The following GRIK2 variants were observed in gnomAD, a reference collection of about 807,000 sequenced individuals.
GRIK2 encodes glutamate receptor ionotropic, kainate 2.
A neutral mutation model predicts 100.3 loss-of-function variants in GRIK2; 32 were observed. The ratio of observed to expected loss-of-function variants is 0.32; its 90% CI spans 0.24 to 0.43. The LOEUF is 0.43. Ranked by LOEUF, GRIK2 falls within the 20% of genes least tolerant of loss-of-function variation. GRIK2 has a pLI of 1.00. For synonymous variants in GRIK2, 417 were observed against 389.4 expected, an observed-to-expected ratio of 1.07 and a Z score of -0.83; for missense variants, 843 against 1,114.9, an observed-to-expected ratio of 0.76 and a Z score of 3.47.
At chr6:101,874,425 G>C (rs1468585591) in intron 11 of GRIK2, among the ~76,000 whole-genome samples, 1 of 151,860 alleles carries the variant, frequency 6.6e-6, no homozygotes, top group Non-Finnish European at 1.5e-5. Context: ...GGTATTATTT[G>C]TGCGGGCTGC....
At chr6:101,740,518 G>A (rs1272168722) in intron 7 of GRIK2, among the ~76,000 whole-genome samples, 1 of 152,150 alleles carries the variant, frequency 6.6e-6, no homozygotes, top group African/African-American at 2.4e-5. Context: ...TTTAAGCTAT[G>A]TTCAGAACGT....
intron 7 of GRIK2, among the ~76,000 whole-genome samples, chr6:101,690,144 C>T (rs1005290486): frequency 5.3e-5 from 8 of 152,108 alleles, no homozygotes; most frequent in Non-Finnish European, 8.8e-5. Context: ...AGAAATCCTT[C>T]CCAGTGGTTC....
chr6:101,814,489 T>G (rs948015531), intron 9 of GRIK2, among the ~76,000 whole-genome samples: 2 of 152,074 alleles, frequency 1.3e-5, no homozygotes, highest in African/African-American at 4.8e-5. Flanking sequence ...GTTAAAAGAC[T>G]TGACAATTAT....
At chr6:101,398,860 A>G (rs986320211) in intron 1 of GRIK2, 125 bp from the exon 2 acceptor site, 4 of 419,148 alleles carry the variant, frequency 9.5e-6, no homozygotes, top group African/African-American at 8.1e-5. Flanking sequence ...GTGCAGTAGA[A>G]TAGGGCCTGG....
intron 7 of GRIK2, among the ~76,000 whole-genome samples, chr6:101,732,089 T>C (rs2128371788): frequency 6.6e-6 from 1 of 152,112 alleles, no homozygotes; most frequent in South Asian, 2.1e-4. Context: ...CAGTTCTTTG[T>C]GTTTATATGC....
chr6:101,720,823 C>A (rs1452184791), intron 7 of GRIK2, among the ~76,000 whole-genome samples: 1 of 151,920 alleles, frequency 6.6e-6, no homozygotes, highest in Non-Finnish European at 1.5e-5. Flanking sequence ...TATTTTATTG[C>A]TGGATGAAAT....
chr6:101,469,142 A>G (rs747526138), intron 2 of GRIK2, among the ~76,000 whole-genome samples: 12 of 152,202 alleles, frequency 7.9e-5, no homozygotes, highest in Non-Finnish European at 1.5e-4. Flanking sequence ...GTGTGGTTAC[A>G]AACCCACAAT....
At chr6:101,827,560 C>A (rs116455115) in intron 10 of GRIK2, among the ~76,000 whole-genome samples, 2,237 of 151,246 alleles carry the variant, frequency 0.015, 60 homozygotes, top group African/African-American at 0.051. Context: ...CCCATAGACT[C>A]AAAATAAAAG....
At chr6:101,913,800 C>T (rs1257457607) in intron 12 of GRIK2, among the ~76,000 whole-genome samples, 1 of 151,348 alleles carries the variant, frequency 6.6e-6, no homozygotes, top group Admixed American at 6.6e-5. Context: ...ATATGAGTGT[C>T]ATGTATGAGA....
rs199682155 is a variant in GRIK2, at chr6:101,878,087, A to G, written c.1525-11553A>G. On this transcript the variant is annotated intron_variant, in intron 11 of 16. Transcript: ENST00000369134. The stretch of plus-strand genomic sequence containing the variant: ...CGTGCCAGGTATATTATATTATATT[A>G]TATTATATTATATTATATTATATTA... 4.8e-4 allele frequency among the ~76,000 whole-genome samples: 60 copies of G among 123,984 alleles called. No individual in the cohort carries two copies. In the East Asian group the frequency reaches 0.012, roughly 26 times the overall value. 81.3% of individuals were successfully genotyped at this position (123,984 alleles called of 152,430 possible).
At chr6:102,014,074 G>A (rs1430143671) in intron 14 of GRIK2, among the ~76,000 whole-genome samples, 1 of 82,714 alleles carries the variant, frequency 1.2e-5, no homozygotes, top group Non-Finnish European at 3.1e-5. Context: ...TTGTTTTTTG[G>A]TTGACAGGCT....
intron 10 of GRIK2, among the ~76,000 whole-genome samples, chr6:101,821,744 A>T (rs1781963348): frequency 6.6e-6 from 1 of 152,116 alleles, no homozygotes; most frequent in Non-Finnish European, 1.5e-5. Flanking sequence ...TACCTTATTT[A>T]TGTAAGCTTA....
At chr6:101,585,946 G>T (rs1778335785) in intron 2 of GRIK2, among the ~76,000 whole-genome samples, 1 of 151,898 alleles carries the variant, frequency 6.6e-6, no homozygotes, top group African/African-American at 2.4e-5. Context: ...TTTGAACAAG[G>T]GAGGAAGTAT....
rs537688335 is a variant in GRIK2, at chr6:101,564,599, C to T, written c.116-57350C>T. On this transcript the variant is annotated intron_variant, in intron 2 of 16. Coordinates refer to ENST00000369134, the MANE Select transcript of GRIK2 (RefSeq NM_021956.5). ...ATGTCTACTTGCCTTGGAGAGTTGA[C>T]CAAACTGTCATCTCATTTTCTACCA... Among the ~76,000 whole-genome samples the T allele has an allele frequency of 6.6e-5, 10 of 152,148 alleles. No homozygotes were observed. The South Asian group carries it at 2.1e-3, about 32-fold the overall frequency.
At chr6:101,626,105 A>T (rs1474010490) in intron 3 of GRIK2, among the ~76,000 whole-genome samples, 2 of 152,166 alleles carry the variant, frequency 1.3e-5, no homozygotes, top group Admixed American at 1.3e-4. Flanking sequence ...ATTAAAAAAT[A>T]TTCATCCTCT....
chr6:101,883,487 CATTCT>C (rs1562462624), intron 11 of GRIK2, among the ~76,000 whole-genome samples: 1 of 151,978 alleles, frequency 6.6e-6, no homozygotes, highest in African/African-American at 2.4e-5. Flanking sequence ...AAGGAACTTA[CATTCT>C]AATAGAAAAA....
chr6:101,899,907 A>G (rs11156159), intron 12 of GRIK2, among the ~76,000 whole-genome samples: 14,437 of 152,038 alleles, frequency 0.095, 824 homozygotes, highest in Middle Eastern at 0.2. Context: ...TGGGAGGTGT[A>G]TTTCAGTATA....
chr6:101,721,737 T>A (rs1774501158), intron 7 of GRIK2, among the ~76,000 whole-genome samples: 1 of 152,096 alleles, frequency 6.6e-6, no homozygotes, highest in South Asian at 2.1e-4. Flanking sequence ...TTTCTGTTGT[T>A]TGCATTTCAT....
At chr6:101,849,155 G>A (rs1200026605) in intron 10 of GRIK2, among the ~76,000 whole-genome samples, 2 of 151,838 alleles carry the variant, frequency 1.3e-5, no homozygotes, top group African/African-American at 4.8e-5. Context: ...TTTATCCTCT[G>A]TGCTTGGATG....
Sources: gnomAD v4.1 joint callset for allele counts (sites outside exome capture counted in the v4.1 genomes callset) on GRCh38, gnomAD v4.1.1 for gene constraint, MANE v1.5 for transcripts, NCBI Gene and HGNC (gene_info 2026-07-23, HGNC 2026-07-21) for gene names.